Variants in RNF2 observed in about 807,000 individuals in gnomAD.
RNF2 encodes ring finger protein 2.
RNF2 carries 6 observed loss-of-function variants against 37.2 expected under a neutral mutation model. The observed-to-expected ratio is 0.16, with a 90% CI of 0.09 to 0.32. The LOEUF (loss-of-function observed/expected upper bound fraction) is 0.32, where lower values mean the gene tolerates loss of function less well. RNF2 is among the 10% of genes least tolerant of loss of function. RNF2 has a pLI of 1.00. For missense variants in RNF2, 251 were observed against 404.0 expected, an observed-to-expected ratio of 0.62 and a Z score of 3.25; for synonymous variants, 133 against 132.7, an observed-to-expected ratio of 1.00 and a Z score of -0.02.
Position 185,087,650 on chromosome 1 carries a change from A to G in RNF2, c.87+10A>G, listed in dbSNP as rs759921518. The G allele has an allele frequency of 3.1e-6, 5 of 1,603,870 alleles. No homozygotes were observed. In the East Asian group the frequency reaches 1.1e-4, roughly 36 times the overall value. ...ACAACGAACACCTCAGGTAATGACT[A>G]AGATGACTGCCAAGGGGCATATGAG... is the stretch of plus-strand genomic sequence containing the variant. On this transcript the variant is annotated intron_variant, in intron 2 of 6. Transcript: ENST00000367510.
At chr1:185,056,641 G>T (rs1650443617) in intron 1 of RNF2, among the ~76,000 whole-genome samples, 1 of 152,186 alleles carries the variant, frequency 6.6e-6, no homozygotes, top group African/African-American at 2.4e-5. Flanking sequence ...AAAGTGCTGG[G>T]ATTACAGGTG....
At chr1:185,100,081 C>T (rs1652034731) in intron 6 of RNF2, 119 bp downstream of exon 6, 3 of 1,193,372 alleles carry the variant, frequency 2.5e-6, no homozygotes, top group Non-Finnish European at 3.6e-6. Flanking sequence ...TGTTAAGTGA[C>T]AAGTAGTTAT....
intron 1 of RNF2, among the ~76,000 whole-genome samples, chr1:185,064,121 TAAAA>T (rs1650729042): frequency 6.6e-6 from 1 of 152,204 alleles, no homozygotes; most frequent in Non-Finnish European, 1.5e-5. Context: ...GAAGGGCATT[TAAAA>T]TTAACAAATG....
At chr1:185,082,590 G>A (rs1651460249) in intron 1 of RNF2, among the ~76,000 whole-genome samples, 1 of 151,732 alleles carries the variant, frequency 6.6e-6, no homozygotes, top group South Asian at 2.1e-4. Flanking sequence ...CCTGACCTCA[G>A]GTAATCTACC....
rs1419719450 is a variant in RNF2, at chr1:185,102,136, A to T, written c.*1835A>T. 1 of 152,558 alleles carries T rather than the reference A, an allele frequency of 6.6e-6. No homozygotes were observed. Among genetic ancestry groups the T allele is most frequent in the African/African-American group, 2.4e-5 (1 of 41,436 alleles). 9.5% of individuals were successfully genotyped at this position (152,558 alleles called of 1,614,324 possible). A position where few individuals can be genotyped will look rare whatever the true frequency, so the allele number is the denominator to read the frequency against. Reference sequence around the variant, plus strand: ...GTGCTTAGAGAATGTATGTGTTTTTATCTGTCAGTATGGGAGGATATAAAC... The same window carrying T: ...GTGCTTAGAGAATGTATGTGTTTTTTTCTGTCAGTATGGGAGGATATAAAC... On this transcript the variant is annotated 3_prime_UTR_variant, in exon 7 of 7. Transcript: ENST00000367510.
At chr1:185,089,930 C>CT (rs1222367126) in intron 2 of RNF2, among the ~76,000 whole-genome samples, 48 of 150,460 alleles carry the variant, frequency 3.2e-4, no homozygotes, top group African/African-American at 8.0e-4. Context: ...ACTCGGGAGG[C>CT]TTTTTTTTTG....
intron 1 of RNF2, among the ~76,000 whole-genome samples, chr1:185,069,385 A>C (rs1650896755): frequency 6.7e-6 from 1 of 150,128 alleles, no homozygotes; most frequent in Admixed American, 6.7e-5. Context: ...TGAGCCCAGG[A>C]GGTCAAGGCT....
At chr1:185,077,352 C>T (rs1279255518) in intron 1 of RNF2, among the ~76,000 whole-genome samples, 2 of 150,688 alleles carry the variant, frequency 1.3e-5, no homozygotes, top group African/African-American at 2.4e-5. Flanking sequence ...CATAACATGA[C>T]GTAGGACTTT....
At chr1:185,083,310 T>C (rs1436789949) in intron 1 of RNF2, among the ~76,000 whole-genome samples, 1 of 152,238 alleles carries the variant, frequency 6.6e-6, no homozygotes, top group African/African-American at 2.4e-5. Context: ...GTTCTTTGAA[T>C]GCTTTTAGCT....
chr1:185,061,460 C>A (rs141899629), intron 1 of RNF2, among the ~76,000 whole-genome samples: 1 of 151,996 alleles, frequency 6.6e-6, no homozygotes, highest in Non-Finnish European at 1.5e-5. Context: ...ATCACAAAAC[C>A]CCGAATGTGC....
Position 185,076,268 on chromosome 1 carries a change from G to GTTTTTTTTTTTTTTTTTTTTTTTT in RNF2, c.-2-11267_-2-11244dup, listed in dbSNP as rs71101959. ...TTTTCTTCTAGATCTTTTATGGGTTGTTTTTTTTTTTTTTTTTTTTTTTTT... is the reference window on the plus strand; with the variant it reads ...TTTTCTTCTAGATCTTTTATGGGTTGTTTTTTTTTTTTTTTTTTTTTTTTTTTTTTTTTTTTTTTTTTTTTTTTT... On this transcript the variant is annotated intron_variant, in intron 1 of 6. Transcript: ENST00000367510. Among the ~76,000 whole-genome samples, 14 of 27,346 alleles carry GTTTTTTTTTTTTTTTTTTTTTTTT rather than the reference G, an allele frequency of 5.1e-4. 6 individuals carry two copies. The highest frequency in any genetic ancestry group is 1.1e-3 in the Non-Finnish European group (14 of 13,182). 17.9% of individuals were successfully genotyped at this position (27,346 alleles called of 152,430 possible).
chr1:185,093,332 A>G (rs1651822216), intron 4 of RNF2, 56 bp downstream of exon 4: 1 of 1,504,970 alleles, frequency 6.6e-7, no homozygotes, highest in Admixed American at 1.8e-5. Context: ...CTTTATTAAC[A>G]ATTAAATTTA....
At chr1:185,064,841 A>G (rs534177616) in intron 1 of RNF2, among the ~76,000 whole-genome samples, 17 of 152,048 alleles carry the variant, frequency 1.1e-4, no homozygotes, top group African/African-American at 3.9e-4. Flanking sequence ...ATGTTGTTGT[A>G]TATGGAATTT....
In RNF2 at chr1:185,093,283, G is replaced by A; in HGVS notation, c.464+7G>A. On this transcript the variant is annotated splice_region_variant and intron_variant, in intron 4 of 6. Transcript: ENST00000367510. ...AGATACAGGCCATGAACAGGTATATGGGAAAGAGGGTCAGAGAGGGTAGCT... is the reference window on the plus strand; with the variant it reads ...AGATACAGGCCATGAACAGGTATATAGGAAAGAGGGTCAGAGAGGGTAGCT... 1 of 1,611,480 alleles carries A rather than the reference G, an allele frequency of 6.2e-7. No homozygotes were observed. The highest frequency in any genetic ancestry group is 8.5e-7 in the Non-Finnish European group (1 of 1,178,130).
chr1:185,058,462 C>G (rs930145030), intron 1 of RNF2, among the ~76,000 whole-genome samples: 1 of 151,826 alleles, frequency 6.6e-6, no homozygotes, highest in Admixed American at 6.6e-5. Context: ...GAATGTAGAC[C>G]CAGAAAAGTT....
At chr1:185,092,116 A>G (rs760018174) in intron 3 of RNF2, 13 of 165,532 alleles carry the variant, frequency 7.9e-5, no homozygotes, top group Non-Finnish European at 1.3e-4. Context: ...GACATGAGTC[A>G]CTGCACCTGG....
At chr1:185,059,909 A>G (rs1249493922) in intron 1 of RNF2, among the ~76,000 whole-genome samples, 1 of 152,132 alleles carries the variant, frequency 6.6e-6, no homozygotes, top group Non-Finnish European at 1.5e-5. Flanking sequence ...GAATCTGATT[A>G]TTTTCTTAGG....
intron 2 of RNF2, among the ~76,000 whole-genome samples, chr1:185,088,585 T>C (rs1427825820): frequency 6.6e-6 from 1 of 151,920 alleles, no homozygotes; most frequent in African/African-American, 2.4e-5. Flanking sequence ...AGGAAGTATT[T>C]CAAGGAGGAT....
intron 1 of RNF2, among the ~76,000 whole-genome samples, chr1:185,062,503 C>T (rs1217153886): frequency 3.9e-5 from 6 of 151,972 alleles, no homozygotes; most frequent in Non-Finnish European, 7.4e-5. Flanking sequence ...TTGCCCATTA[C>T]ATGGAATGGA....
Sources: gnomAD v4.1 joint callset for allele counts (sites outside exome capture counted in the v4.1 genomes callset) on GRCh38, gnomAD v4.1.1 for gene constraint, MANE v1.5 for transcripts, NCBI Gene and HGNC (gene_info 2026-07-23, HGNC 2026-07-21) for gene names.